Variants in NACA observed in about 807,000 individuals in gnomAD.
NACA encodes nascent polypeptide-associated complex subunit alpha.
A neutral mutation model predicts 86.4 loss-of-function variants in NACA; 42 were observed. That is an observed-to-expected ratio of 0.49 (90% CI 0.38 to 0.63). The LOEUF (loss-of-function observed/expected upper bound fraction) is 0.63, where lower values mean the gene tolerates loss of function less well. Among genes scored for constraint, NACA ranks in the 20% least tolerant of loss-of-function variants. NACA has a pLI of 0.00. For missense variants in NACA, 2,157 were observed against 2,483.6 expected, an observed-to-expected ratio of 0.87 and a Z score of 2.80; for synonymous variants, 898 against 973.7, an observed-to-expected ratio of 0.92 and a Z score of 1.45.
Position 56,719,950 on chromosome 12 carries a change from G to A in NACA, c.1580C>T (p.Pro527Leu), listed in dbSNP as rs767156443. The A allele has an allele frequency of 1.9e-6, 3 of 1,613,802 alleles. No homozygotes were observed. Among genetic ancestry groups the A allele is most frequent in the East Asian group, 2.2e-5 (1 of 44,882 alleles). The stretch of plus-strand genomic sequence containing the variant: ...TACAGTTTGGAGGTCTTTTTGTGTT[G>A]GAAATTTAACCAATACTGAACTGGG... The part of the protein sequence containing the change: ...NLPSSVLVKF[P>L]TQKDLQTVPA... The change falls in exon 3 of 9, where the codon CCA (proline) becomes CTA (leucine). Residue 527 changes from proline to leucine, a missense_variant. Coordinates refer to ENST00000454682, the MANE Select transcript of NACA (RefSeq NM_001365896.1).
rs761200410 is a variant in NACA, at chr12:56,719,654, A to G, written c.1876T>C (p.Tyr626His). The change falls in exon 3 of 9, where the codon TAT (tyrosine) becomes CAT (histidine). Residue 626 changes from tyrosine to histidine, a missense_variant. Coordinates refer to ENST00000454682, the MANE Select transcript of NACA (RefSeq NM_001365896.1). ...SSASVIKTDS[Y>H]AGPDSAGPLL... ...GGACCAGCAGAGTCTGGGCCTGCAT[A>G]AGAATCTGTCTTGATTACAGAGGCC... 6.2e-7 allele frequency: 1 copy of G among 1,613,808 alleles called. No homozygotes were observed. Among genetic ancestry groups the G allele is most frequent in the Non-Finnish European group, 8.5e-7 (1 of 1,179,748 alleles).
In NACA at chr12:56,716,603, T is replaced by C. The variant is rs369529375; in HGVS notation, c.4927A>G (p.Thr1643Ala). ...PKGTPTSPPV[T>A]PSSLKDSPTS... ...GGGGAGTCTTTGAGGGAGGAAGGAG[T>C]CACAGGTGGGGAAGTGGGAGTCCCT... Residue 1643 changes from threonine (T) to alanine (A), a missense_variant, in exon 3 of 9, where the codon ACT becomes GCT. Around this residue, in one of 8 missense-constraint regions of NACA, gnomAD observed 797 missense variants for 777.6 expected, o/e 1.02. Coordinates refer to ENST00000454682, the MANE Select transcript of NACA (RefSeq NM_001365896.1). 3.4e-6 allele frequency: 5 copies of C among 1,451,364 alleles called. No homozygotes were observed. Among genetic ancestry groups the C allele is most frequent in the Non-Finnish European group, 4.7e-6 (5 of 1,074,550 alleles). The allele number at this position is 1,451,364 out of a possible 1,614,324, so 89.9% of individuals were successfully genotyped here.
In NACA at chr12:56,715,958, C is replaced by A; in HGVS notation, c.5572G>T (p.Val1858Phe). Residue 1858 changes from valine to phenylalanine, a missense_variant, in exon 3 of 9, where the codon GTC becomes TTC. By Grantham distance (50) the Val-to-Phe change is conservative. Around this residue, in one of 8 missense-constraint regions of NACA, gnomAD observed 797 missense variants for 777.6 expected, o/e 1.02. Transcript: ENST00000454682. ...PISGGVPFQSVLVNMPTPKSA... is the reference protein window; with the variant it reads ...PISGGVPFQSFLVNMPTPKSA... ...TTAGGGGTGGGCATGTTGACGAGGA[C>A]CGACTGGAAAGGCACTCCCCCAGAG... is the stretch of plus-strand genomic sequence containing the variant. The A allele has an allele frequency of 1.3e-6, 2 of 1,547,508 alleles. No homozygotes were observed. The highest frequency in any genetic ancestry group is 8.7e-7 in the Non-Finnish European group (1 of 1,146,494).
chr12:56,716,577 A>G lies in NACA; in HGVS notation c.4953T>C (p.Pro1651=), dbSNP rs774865593. 1 of 1,456,212 alleles carries G rather than the reference A, an allele frequency of 6.9e-7. No individual in the cohort carries two copies. The highest frequency in any genetic ancestry group is 1.1e-5 in the South Asian group (1 of 88,806). 90.2% of individuals were successfully genotyped at this position (1,456,212 alleles called of 1,614,324 possible). A position where few individuals can be genotyped will look rare whatever the true frequency, so the allele number is the denominator to read the frequency against. Residue 1651 remains proline (P), a synonymous_variant, in exon 3 of 9, where the codon CCT becomes CCC. Transcript: ENST00000454682. ...TACATGTGACAGAAGCTGGGGAAGTAGGGGAGTCTTTGAGGGAGGAAGGAG... is the reference window on the plus strand; with the variant it reads ...TACATGTGACAGAAGCTGGGGAAGTGGGGGAGTCTTTGAGGGAGGAAGGAG... ...PVTPSSLKDS[P]TSPASVTCKM...
chr12:56,714,013 T>C (rs1195165628), intron 5 of NACA: 2 of 369,692 alleles, frequency 5.4e-6, no homozygotes, highest in Non-Finnish European at 9.9e-6. Flanking sequence ...CTGCTATATA[T>C]TTTTGGTATT....
At position 56,718,586 on chromosome 12, in the gene NACA, G is replaced by A; in HGVS notation, c.2944C>T (p.Pro982Ser). 7.6e-7 allele frequency: 1 copy of A among 1,317,528 alleles called. No individual in the cohort carries two copies. Among genetic ancestry groups the A allele is most frequent in the Non-Finnish European group, 9.9e-7 (1 of 1,014,858 alleles). The allele number at this position is 1,317,528 out of a possible 1,614,324, so 81.6% of individuals were successfully genotyped here. ...GCTGGGGGTGTGGGGGCCCCTTTGG[G>A]GGATGGAGTAGCTGGACCTCCTTTT... ...SPKGGPATPS[P>S]KGAPTPPAAT... Residue 982 changes from proline to serine, a missense_variant, in exon 3 of 9, where the codon CCC becomes TCC. Pro to Ser is a moderately conservative substitution (Grantham distance 74, BLOSUM62 -1). This residue lies in a region of NACA where 124 missense variants were observed against 186.5 expected (regional missense o/e 0.66). Transcript: ENST00000454682.
intron 4 of NACA, 54 bp downstream of exon 4, chr12:56,714,548 C>T: frequency 6.2e-7 from 1 of 1,606,654 alleles, no homozygotes; most frequent in Non-Finnish European, 8.5e-7. Flanking sequence ...ACAAAAGTTG[C>T]CCTGATCAAC....
rs753755727 is a variant in NACA at position 56,716,477 on chromosome 12, G to C, written c.5053C>G (p.Leu1685Val). The C allele has an allele frequency of 5.8e-6, 9 of 1,545,602 alleles. No individual in the cohort carries two copies. In the South Asian group the frequency reaches 1.0e-4, roughly 17 times the overall value. Reference protein sequence around the residue: ...KKGPTALKEVLVAPAPESTPI... With the variant: ...KKGPTALKEVVVAPAPESTPI... ...GTGCTTTCTGGAGCTGGGGCAACAA[G>C]TACTTCTTTCAGAGCTGTGGGGCCT... is the stretch of plus-strand genomic sequence containing the variant. Residue 1685 changes from leucine (L) to valine (V), a missense_variant, in exon 3 of 9, where the codon CTT becomes GTT. By Grantham distance (32) the Leu-to-Val change is conservative. Coordinates refer to ENST00000454682, the MANE Select transcript of NACA (RefSeq NM_001365896.1).
Position 56,721,281 on chromosome 12 carries a change from G to T in NACA, c.249C>A (p.Pro83=), listed in dbSNP as rs1383452968. The T allele has an allele frequency of 3.1e-6, 5 of 1,612,948 alleles. No individual in the cohort carries two copies. The African/African-American group carries it at 6.7e-5, about 22-fold the overall frequency. ...IASTPLEVPF[P]QSSSGTALPL... Reference sequence around the variant, plus strand: ...GTAGGGCTGTTCCAGAGGATGACTGGGGAAAAGGAACTTCTAAAGGGGTCG... The same window carrying T: ...GTAGGGCTGTTCCAGAGGATGACTGTGGAAAAGGAACTTCTAAAGGGGTCG... The change falls in exon 3 of 9, where the codon CCC becomes CCA. Residue 83 remains proline, a synonymous_variant. Coordinates refer to ENST00000454682, the MANE Select transcript of NACA (RefSeq NM_001365896.1).
chr12:56,725,047 G>A (rs1384440193), intron 1 of NACA: 1 of 153,094 alleles, frequency 6.5e-6, no homozygotes, highest in African/African-American at 2.4e-5. Context: ...CATCTCTGCA[G>A]GCTCGGATTC....
In NACA at chr12:56,712,657, C is replaced by T. The variant is rs909276612; in HGVS notation, c.6223-105G>A. On this transcript the variant is annotated intron_variant, in intron 8 of 8. Transcript: ENST00000454682. ...TCAGGAGAATTTAGGCCACTAAAACCTATACGGCAACTCAGAAGAGGCTCT... is the reference window on the plus strand; with the variant it reads ...TCAGGAGAATTTAGGCCACTAAAACTTATACGGCAACTCAGAAGAGGCTCT... The T allele has an allele frequency of 2.5e-6, 4 of 1,595,970 alleles. No homozygotes were observed. In the African/African-American group the frequency reaches 4.0e-5, roughly 16 times the overall value.
intron 1 of NACA, chr12:56,724,821 C>T (rs749853428): frequency 1.7e-5 from 6 of 361,398 alleles, no homozygotes; most frequent in African/African-American, 1.1e-4. Flanking sequence ...ACTCCTAATA[C>T]TCACACTGGC....
chr12:56,713,818 T>C (rs751531571), intron 5 of NACA, 135 bp from the exon 6 acceptor site: 43 of 890,504 alleles, frequency 4.8e-5, no homozygotes, highest in Non-Finnish European at 6.6e-5. Flanking sequence ...GAGAATGGGT[T>C]TTCTGCCGTA....
rs1953247923 is a variant in NACA at position 56,712,559 on chromosome 12, C to T, written c.6223-7G>A. On this transcript the variant is annotated splice_polypyrimidine_tract_variant and splice_region_variant and intron_variant, in intron 8 of 8. Transcript: ENST00000454682. ...ATGGTTACATTGTTAATTCCTGTAA[C>T]AGAGAAAAGATAATTAGCGGTTCTT... The T allele has an allele frequency of 3.1e-6, 5 of 1,613,452 alleles. No individual in the cohort carries two copies. Among genetic ancestry groups the T allele is most frequent in the Non-Finnish European group, 4.2e-6 (5 of 1,179,724 alleles).
intron 3 of NACA, 126 bp from the exon 4 acceptor site, chr12:56,714,813 A>G (rs147964444): frequency 4.7e-6 from 4 of 857,570 alleles, no homozygotes; most frequent in African/African-American, 1.7e-5. Flanking sequence ...ATGTAAACCA[A>G]CTGGCTTGTG....
rs181034081 is a variant in NACA at position 56,720,343 on chromosome 12, G to T, written c.1187C>A (p.Ser396Tyr). The change falls in exon 3 of 9, where the codon TCT (serine) becomes TAT (tyrosine). Residue 396 changes from serine (S) to tyrosine (Y), a missense_variant. Physicochemically the swap from Ser to Tyr is moderately radical, Grantham distance 144. Transcript: ENST00000454682. ...AGAGGTAGCTACATTTAAGGAGCCA[G>T]AAGGGCTGCAGGTTATGCTAGAGAT... is the stretch of plus-strand genomic sequence containing the variant. Reference protein sequence around the residue: ...STISSITCSPSGSLNVATSFS... With the variant: ...STISSITCSPYGSLNVATSFS... 164 of 1,613,972 alleles carry T rather than the reference G, an allele frequency of 1.0e-4. No individual in the cohort carries two copies. The African/African-American group carries it at 2.1e-3, about 20-fold the overall frequency.
rs1953523776 is a variant in NACA, at chr12:56,719,898, G to A, written c.1632C>T (p.Phe544=). Residue 544 remains phenylalanine (F), a synonymous_variant, in exon 3 of 9, where the codon TTC becomes TTT. Coordinates refer to ENST00000454682, the MANE Select transcript of NACA (RefSeq NM_001365896.1). ...TGGTGAGTCCTGCTTGGGCTGGAGA[G>A]AAAGGGGCTCCTTCAAGAGAGGCAG... The part of the protein sequence containing the change: ...TVPASLEGAP[F]SPAQAGLTTK... 3 of 1,613,944 alleles carry A rather than the reference G, an allele frequency of 1.9e-6. No homozygotes were observed. Among genetic ancestry groups the A allele is most frequent in the Non-Finnish European group, 2.5e-6 (3 of 1,179,868 alleles).
rs373475432 is a variant in NACA at position 56,716,770 on chromosome 12, G to C, written c.4760C>G (p.Pro1587Arg). Residue 1587 changes from proline (P) to arginine (R), a missense_variant, in exon 3 of 9, where the codon CCT becomes CGT. Pro to Arg is a moderately radical substitution (Grantham distance 103, BLOSUM62 -2). Transcript: ENST00000454682. ...GGATGGGGCCCCTTTGTAAGTGGAA[G>C]GAGTCACTGCTGGGGGACTGGAGGC... ...KEASSPPAVT[P>R]STYKGAPSPK... 7.3e-7 allele frequency: 1 copy of C among 1,373,776 alleles called. No individual in the cohort carries two copies. Among genetic ancestry groups the C allele is most frequent in the South Asian group, 1.3e-5 (1 of 75,332 alleles). 85.1% of individuals were successfully genotyped at this position (1,373,776 alleles called of 1,614,324 possible). A position where few individuals can be genotyped will look rare whatever the true frequency, so the allele number is the denominator to read the frequency against.
intron 6 of NACA, 154 bp downstream of exon 6, chr12:56,713,383 C>G: frequency 8.1e-7 from 1 of 1,228,542 alleles, no homozygotes; most frequent in Non-Finnish European, 1.1e-6. Flanking sequence ...AGTTAGGTCT[C>G]CCAGGAGATA....
Sources: gnomAD v4.1 joint callset for allele counts on GRCh38, gnomAD v4.1.1 for gene constraint, gnomAD v4.1.1 regional missense constraint, MANE v1.5 for transcripts, NCBI Gene and HGNC (gene_info 2026-07-23, HGNC 2026-07-21) for gene names.